The following CCDC74A variants were observed in gnomAD, a reference collection of about 807,000 sequenced individuals.
The protein encoded by CCDC74A is coiled-coil domain-containing protein 74A.
A neutral mutation model predicts 37.6 loss-of-function variants in CCDC74A; 38 were observed. The observed-to-expected ratio is 1.01, with a 90% CI of 0.78 to 1.33. The LOEUF is 1.33. Among genes scored for constraint, CCDC74A ranks in the 40% most tolerant of loss-of-function variants. The probability of loss-of-function intolerance (pLI) is 0.00; values close to 1 mark genes in which losing one functional copy is unlikely to be tolerated. For missense variants in CCDC74A, 340 were observed against 403.4 expected, an observed-to-expected ratio of 0.84 and a Z score of 1.35; for synonymous variants, 134 against 165.2, an observed-to-expected ratio of 0.81 and a Z score of 1.45.
chr2:131,529,679 T>C lies in CCDC74A; in HGVS notation c.283T>C (p.Ser95Pro). The change falls in exon 2 of 8, where the codon TCA (serine) becomes CCA (proline). Residue 95 changes from serine (S) to proline (P), a missense_variant. Transcript: ENST00000409856. ...LHYKLIMNQT[S>P]QKKDSLSMSS... is the part of the protein sequence containing the mutation. Reference sequence around the variant, plus strand: ...TTACAAGCTCATAATGAATCAGACATCACAGAAGAAAGGTGAGAACTGGGC... The same window carrying C: ...TTACAAGCTCATAATGAATCAGACACCACAGAAGAAAGGTGAGAACTGGGC... 1 of 1,614,012 alleles carries C rather than the reference T, an allele frequency of 6.2e-7. No homozygotes were observed.
In CCDC74A at chr2:131,529,435, TGGGC is replaced by T. The variant is rs1463996865; in HGVS notation, c.251-211_251-208del. The stretch of plus-strand genomic sequence containing the variant: ...AGATGGATGAGGCCGATATGCCCGG[TGGGC>T]TCTGCCTAGGGAACAGGCAGGGCCA... On this transcript the variant is annotated intron_variant, in intron 1 of 7. Transcript: ENST00000409856. 31 of 711,176 alleles carry T rather than the reference TGGGC, an allele frequency of 4.4e-5. No homozygotes were observed. In the Middle Eastern group the frequency reaches 1.8e-3, roughly 42 times the overall value. The allele number at this position is 711,176 out of a possible 1,614,324, so 44.1% of individuals were successfully genotyped here.
At chr2:131,530,126 C>T (rs1161815223) in intron 2 of CCDC74A, 3 of 1,550,012 alleles carry the variant, frequency 1.9e-6, no homozygotes, top group Non-Finnish European at 2.6e-6. Context: ...ATCCAGGGAT[C>T]CCTTCCTGCC....
chr2:131,531,124 C>T (rs1343287468), intron 3 of CCDC74A, among the ~76,000 whole-genome samples: 25 of 152,136 alleles, frequency 1.6e-4, no homozygotes, highest in Non-Finnish European at 3.4e-4. Flanking sequence ...GGAGGATGTA[C>T]CCTGGCTGCC....
Position 131,530,775 on chromosome 2 carries a change from A to C in CCDC74A, c.296-2A>C, listed in dbSNP as rs779683247. 6.8e-6 allele frequency: 11 copies of C among 1,612,104 alleles called. No homozygotes were observed. Among genetic ancestry groups the C allele is most frequent in the Middle Eastern group, 1.7e-4 (1 of 6,006 alleles). ...GCGCCGACACTGTGCGCTCTCCTGCAGACAGCCTCTCCATGTCAAGCTTCC... is the reference window on the plus strand; with the variant it reads ...GCGCCGACACTGTGCGCTCTCCTGCCGACAGCCTCTCCATGTCAAGCTTCC... On this transcript the variant is annotated splice_acceptor_variant, in intron 2 of 7. Coordinates refer to ENST00000409856, the MANE Select transcript of CCDC74A (RefSeq NM_001258306.3). LOFTEE classifies it high-confidence loss of function.
chr2:131,529,584 GCTT>G lies in CCDC74A; in HGVS notation c.251-57_251-55del, dbSNP rs1260542723. The stretch of plus-strand genomic sequence containing the variant: ...CAGCAGCCAGGAGAGGACAGGCCAG[GCTT>G]CTTCTCTCAGAATAGCTGTGGTTTC... On this transcript the variant is annotated intron_variant, in intron 1 of 7. Transcript: ENST00000409856. 4.3e-6 allele frequency: 7 copies of G among 1,610,188 alleles called. No individual in the cohort carries two copies. In the East Asian group the frequency reaches 8.9e-5, roughly 21 times the overall value.
intron 1 of CCDC74A, chr2:131,529,292 G>A (rs1195002025): frequency 1.7e-5 from 8 of 473,160 alleles, no homozygotes; most frequent in Admixed American, 9.9e-5. Context: ...AGCCTCCCCC[G>A]CAGTCCCTGA....
At position 131,532,926 on chromosome 2, in the gene CCDC74A, T is replaced by A; in HGVS notation, c.741T>A (p.Ala247=). Residue 247 remains alanine, a synonymous_variant, in exon 6 of 8, where the codon GCT becomes GCA. Transcript: ENST00000409856. ...SQRPQAAPEE[A]SFPRDQEATH... is the part of the protein sequence containing the mutation. ...GGCCCCAGGCAGCCCCGGAGGAAGC[T>A]AGCTTTCCCAGGTGAGTGCCTGGTG... 6.2e-7 allele frequency: 1 copy of A among 1,613,688 alleles called. No individual in the cohort carries two copies. Among genetic ancestry groups the A allele is most frequent in the Non-Finnish European group, 8.5e-7 (1 of 1,179,722 alleles).
At chr2:131,529,254 A>T (rs539319342) in intron 1 of CCDC74A, 1 of 366,342 alleles carries the variant, frequency 2.7e-6, no homozygotes, top group African/African-American at 2.0e-5. Flanking sequence ...CTTGAGCCTC[A>T]GGACGCCCAG....
At chr2:131,528,423 C>A (rs1680566319) in intron 1 of CCDC74A, 3 of 1,550,498 alleles carry the variant, frequency 1.9e-6, no homozygotes, top group Admixed American at 2.0e-5. Context: ...AGTGCCGACC[C>A]TGTCTGCCTG....
rs1364765063 is a variant in CCDC74A, at chr2:131,527,898, G to A, written c.-73G>A. 7.8e-6 allele frequency: 11 copies of A among 1,405,446 alleles called. No individual in the cohort carries two copies. Among genetic ancestry groups the A allele is most frequent in the East Asian group, 5.6e-5 (2 of 35,428 alleles). The allele number at this position is 1,405,446 out of a possible 1,614,324, so 87.1% of individuals were successfully genotyped here. ...CGTCGCCCGGTTTCCATGGTGACGG[G>A]GCGCCAGGCTAGGGCGGCCTGGCCA... On this transcript the variant is annotated 5_prime_UTR_variant, in exon 1 of 8. Coordinates refer to ENST00000409856, the MANE Select transcript of CCDC74A (RefSeq NM_001258306.3).
rs1386979831 is a variant in CCDC74A, at chr2:131,528,219, G to A, written c.249G>A (p.Lys83=). Residue 83 remains lysine (K), a splice_region_variant and synonymous_variant, in exon 1 of 8, where the codon AAG becomes AAA. Transcript: ENST00000409856. ...EEIEHLKREN[K]DLHYKLIMNQ... ...TCGAGCATCTGAAGCGGGAAAACAA[G>A]GGTGAGCCGGCGCGGGGCCCTAGGC... The A allele has an allele frequency of 6.2e-7, 1 of 1,612,002 alleles. No individual in the cohort carries two copies. Among genetic ancestry groups the A allele is most frequent in the Admixed American group, 1.7e-5 (1 of 59,834 alleles).
At chr2:131,524,987 GGA>G, upstream of CCDC74A, among the ~76,000 whole-genome samples, 1 of 151,606 alleles carries the variant, frequency 6.6e-6, no homozygotes, top group Non-Finnish European at 1.5e-5. Flanking sequence ...CTTGAGCCCA[GGA>G]GTTCCAGGCT....
At chr2:131,532,102 A>G (rs1306924298) in intron 4 of CCDC74A, among the ~76,000 whole-genome samples, 2 of 150,662 alleles carry the variant, frequency 1.3e-5, no homozygotes, top group African/African-American at 4.8e-5. Context: ...AAGTAAAGTA[A>G]TATTCTTACC....
At chr2:131,529,994 G>T (rs1559414944) in intron 2 of CCDC74A, 22 of 1,541,020 alleles carry the variant, frequency 1.4e-5, no homozygotes, top group Non-Finnish European at 1.8e-5. Context: ...AGGAACCCCT[G>T]GGACAGCCCC....
At chr2:131,528,420 A>G in intron 1 of CCDC74A, 200 bp downstream of exon 1, 1 of 1,550,622 alleles carries the variant, frequency 6.4e-7, no homozygotes, top group Middle Eastern at 1.7e-4. Flanking sequence ...GGCAGTGCCG[A>G]CCCTGTCTGC....
upstream of CCDC74A, among the ~76,000 whole-genome samples, chr2:131,524,634 A>G (rs1477536102): frequency 6.6e-6 from 1 of 152,006 alleles, no homozygotes; most frequent in African/African-American, 2.4e-5. Flanking sequence ...TATGTTTGCA[A>G]CGTCCCTCCT....
chr2:131,528,965 C>CGGCGGGGCCTTCCCAACTGCACCCTT (rs1680704751), intron 1 of CCDC74A, among the ~76,000 whole-genome samples: 2 of 143,314 alleles, frequency 1.4e-5, no homozygotes, highest in Non-Finnish European at 3.1e-5. Context: ...TGCTGTCCTC[C>CGGCGGGGCCTTCCCAACTGCACCCTT]GGCGGGGCCT....
Position 131,532,665 on chromosome 2 carries a change from G to C in CCDC74A, c.562G>C (p.Ala188Pro). 1.2e-6 allele frequency: 2 copies of C among 1,613,032 alleles called. No individual in the cohort carries two copies. The highest frequency in any genetic ancestry group is 2.2e-5 in the South Asian group (2 of 90,994). The change falls in exon 5 of 8, where the codon GCG becomes CCG. Residue 188 changes from alanine to proline, a missense_variant. By Grantham distance (27) the Ala-to-Pro change is conservative. Transcript: ENST00000409856. ...NSQHQGRQMG[A>P]GAHPPMILPL... The stretch of plus-strand genomic sequence containing the variant: ...CCAGCACCAGGGCAGGCAGATGGGG[G>C]CGGGGGCACACCCCCCAATGATCCT...
In CCDC74A at chr2:131,532,878, G is replaced by A; in HGVS notation, c.693G>A (p.Lys231=). The A allele has an allele frequency of 6.2e-7, 1 of 1,613,522 alleles. No individual in the cohort carries two copies. Among genetic ancestry groups the A allele is most frequent in the Admixed American group, 1.7e-5 (1 of 60,014 alleles). Residue 231 remains lysine (K), a synonymous_variant, in exon 6 of 8, where the codon AAG becomes AAA. Transcript: ENST00000409856. The part of the protein sequence containing the change: ...LLQTQELRHL[K]SLLEGSQRPQ... ...CTGCCTTTCAGCTGCGGCACCTCAA[G>A]TCCCTCCTGGAAGGGAGCCAGAGGC...
Sources: gnomAD v4.1 joint callset for allele counts (sites outside exome capture counted in the v4.1 genomes callset) on GRCh38, gnomAD v4.1.1 for gene constraint, MANE v1.5 for transcripts, NCBI Gene and HGNC (gene_info 2026-07-23, HGNC 2026-07-21) for gene names.